Variants in DNAJB6 observed in about 807,000 individuals in gnomAD.
The protein encoded by DNAJB6 is dnaJ homolog subfamily B member 6.
A neutral mutation model predicts 42.7 loss-of-function variants in DNAJB6; 16 were observed. The ratio of observed to expected loss-of-function variants is 0.37; its 90% CI spans 0.25 to 0.57. DNAJB6 has a LOEUF of 0.57. Among genes scored for constraint, DNAJB6 ranks in the 20% least tolerant of loss-of-function variants. DNAJB6 has a pLI of 0.74. For synonymous variants in DNAJB6, 170 were observed against 163.5 expected, an observed-to-expected ratio of 1.04 and a Z score of -0.30; for missense variants, 347 against 416.8, an observed-to-expected ratio of 0.83 and a Z score of 1.46.
intron 6 of DNAJB6, chr7:157,382,843 C>G (rs142104886): frequency 6.6e-6 from 1 of 152,554 alleles, no homozygotes; most frequent in Admixed American, 6.5e-5. Flanking sequence ...GTCAGCCTCA[C>G]GCACGTAGCT....
intron 1 of DNAJB6, among the ~76,000 whole-genome samples, chr7:157,352,328 A>G (rs998272876): frequency 6.6e-6 from 1 of 151,848 alleles, no homozygotes; most frequent in African/African-American, 2.4e-5. Flanking sequence ...GTCTCAAAAT[A>G]TATACATATA....
At chr7:157,411,390 TGGGG>T (rs1419488094) in intron 9 of DNAJB6, 41 of 96,654 alleles carry the variant, frequency 4.2e-4, no homozygotes, top group African/African-American at 1.4e-3. Flanking sequence ...TGAGCGGGCG[TGGGG>T]AAGGTTCCCA....
At chr7:157,348,584 C>T (rs779526830) in intron 1 of DNAJB6, among the ~76,000 whole-genome samples, 1 of 152,052 alleles carries the variant, frequency 6.6e-6, no homozygotes. Flanking sequence ...CCGCACATAT[C>T]GTTTGGAGCA....
chr7:157,386,147 A>G lies in DNAJB6; in HGVS notation c.691+536A>G. Reference sequence around the variant, plus strand: ...TTAATATAAATTAAGGATGTTTTCTAGTTGTGCATGAATGCTGGCAACTTA... The same window carrying G: ...TTAATATAAATTAAGGATGTTTTCTGGTTGTGCATGAATGCTGGCAACTTA... On this transcript the variant is annotated intron_variant, in intron 8 of 9. Coordinates refer to ENST00000262177, the MANE Select transcript of DNAJB6 (RefSeq NM_058246.4). 4 of 939,608 alleles carry G rather than the reference A, an allele frequency of 4.3e-6. No homozygotes were observed. The South Asian group carries it at 1.5e-4, about 35-fold the overall frequency. 58.2% of individuals were successfully genotyped at this position (939,608 alleles called of 1,614,324 possible).
At chr7:157,393,616 G>C (rs918117751) in intron 8 of DNAJB6, among the ~76,000 whole-genome samples, 18 of 152,152 alleles carry the variant, frequency 1.2e-4, no homozygotes, top group African/African-American at 4.1e-4. Flanking sequence ...CCAACACCAG[G>C]TTCAGCTGCC....
At chr7:157,338,770 T>TA (rs1347756016) in intron 1 of DNAJB6, among the ~76,000 whole-genome samples, 2 of 152,236 alleles carry the variant, frequency 1.3e-5, no homozygotes, top group African/African-American at 4.8e-5. Flanking sequence ...TTTTGTGGAT[T>TA]ACGCAGGCTG....
At chr7:157,350,026 C>T (rs920159940) in intron 1 of DNAJB6, among the ~76,000 whole-genome samples, 1 of 152,130 alleles carries the variant, frequency 6.6e-6, no homozygotes. Context: ...TTAGCTCAAG[C>T]GTTCCCTCAT....
intron 1 of DNAJB6, among the ~76,000 whole-genome samples, chr7:157,353,586 G>GGTGTGTGTGTGTGTGTGTGT (rs370854040): frequency 4.1e-4 from 57 of 140,098 alleles, no homozygotes; most frequent in Middle Eastern, 3.6e-3. Flanking sequence ...TCTTGACCGG[G>GGTGTGTGTGTGTGTGTGTGT]GTGTGTGTGT....
chr7:157,404,643 TGGGACTACA>T (rs1795689004), intron 8 of DNAJB6, among the ~76,000 whole-genome samples: 2 of 151,750 alleles, frequency 1.3e-5, no homozygotes, highest in African/African-American at 2.4e-5. Context: ...CCCGAGTAAC[TGGGACTACA>T]GGCACACGCC....
chr7:157,338,857 G>GA (rs1227174863), intron 1 of DNAJB6, among the ~76,000 whole-genome samples: 2 of 152,230 alleles, frequency 1.3e-5, no homozygotes, highest in African/African-American at 4.8e-5. Flanking sequence ...AAGGGGTTGG[G>GA]AAGCTTTTGG....
At chr7:157,389,923 A>G in intron 8 of DNAJB6, among the ~76,000 whole-genome samples, 1 of 152,184 alleles carries the variant, frequency 6.6e-6, no homozygotes, top group East Asian at 1.9e-4. Context: ...TGGCCTGGGC[A>G]AGTTGCACAC....
intron 5 of DNAJB6, chr7:157,369,210 G>C: frequency 2.2e-6 from 1 of 450,282 alleles, no homozygotes; most frequent in Non-Finnish European, 4.5e-6. Context: ...CAGAGCTCAA[G>C]AAAGAACCAT....
At chr7:157,337,244 T>C (rs1400193095) in intron 1 of DNAJB6, 100 bp downstream of exon 1, 1 of 150,538 alleles carries the variant, frequency 6.6e-6, no homozygotes, top group Non-Finnish European at 1.5e-5. Context: ...GCGCGGGGGG[T>C]GACCGGGGTC....
At chr7:157,350,035 A>G (rs1301473241) in intron 1 of DNAJB6, among the ~76,000 whole-genome samples, 2 of 152,086 alleles carry the variant, frequency 1.3e-5, no homozygotes, top group Non-Finnish European at 2.9e-5. Context: ...GCGTTCCCTC[A>G]TTCTCTGTCC....
At chr7:157,393,918 T>C (rs1052008378) in intron 8 of DNAJB6, among the ~76,000 whole-genome samples, 1 of 152,252 alleles carries the variant, frequency 6.6e-6, no homozygotes, top group Non-Finnish European at 1.5e-5. Context: ...TGCTAATTTA[T>C]GTGTTCACTG....
intron 5 of DNAJB6, among the ~76,000 whole-genome samples, chr7:157,370,275 A>G (rs1286566565): frequency 7.3e-6 from 1 of 136,140 alleles, no homozygotes; most frequent in Non-Finnish European, 1.6e-5. Flanking sequence ...CCGGCCTTTC[A>G]TTAACGTTAT....
At position 157,384,923 on chromosome 7, in the gene DNAJB6, T is replaced by A; in HGVS notation, c.535T>A (p.Ser179Thr). 1 of 1,613,874 alleles carries A rather than the reference T, an allele frequency of 6.2e-7. No homozygotes were observed. Among genetic ancestry groups the A allele is most frequent in the Non-Finnish European group, 8.5e-7 (1 of 1,179,884 alleles). Reference protein sequence around the residue: ...HGGLTSFSSTSFGGSGMGNFK... With the variant: ...HGGLTSFSSTTFGGSGMGNFK... ...GGGCCTCACTTCATTCTCTTCCACG[T>A]CATTTGGTGGTAGTGGCATGGGCAA... The change falls in exon 7 of 10, where the codon TCA (serine) becomes ACA (threonine). Residue 179 changes from serine (S) to threonine (T), a missense_variant. Physicochemically the swap from Ser to Thr is moderately conservative, Grantham distance 58. Around this residue, in one of 3 missense-constraint regions of DNAJB6, gnomAD observed 264 missense variants for 288.0 expected, o/e 0.92. Coordinates refer to ENST00000262177, the MANE Select transcript of DNAJB6 (RefSeq NM_058246.4).
intron 8 of DNAJB6, among the ~76,000 whole-genome samples, chr7:157,406,724 G>A (rs567270982): frequency 5.3e-5 from 8 of 152,334 alleles, no homozygotes; most frequent in South Asian, 2.1e-4. Flanking sequence ...TGGAAGGAAC[G>A]CAACATCCAT....
chr7:157,353,097 T>TAGATTTACAGAAAAGTTGTAAAGATAG (rs1384801987), intron 1 of DNAJB6, among the ~76,000 whole-genome samples: 1 of 151,912 alleles, frequency 6.6e-6, no homozygotes. Context: ...TTTTTAATTT[T>TAGATTTACAGAAAAGTTGTAAAGATAG]TAAAATTTTT....
Sources: allele counts gnomAD v4.1 joint callset (sites outside exome capture counted in the v4.1 genomes callset), GRCh38; gene constraint gnomAD v4.1.1; regional missense constraint gnomAD v4.1.1; transcripts MANE v1.5; gene names NCBI Gene and HGNC (gene_info 2026-07-23, HGNC 2026-07-21).